Variants in SCMH1 observed in about 807,000 individuals in gnomAD.
The protein encoded by SCMH1 is polycomb protein SCMH1.
In SCMH1, 37 loss-of-function variants were observed where a neutral mutation model predicts 70.8. That is an observed-to-expected ratio of 0.52 (90% CI 0.40 to 0.69). The LOEUF (loss-of-function observed/expected upper bound fraction) is 0.69. Among genes scored for constraint, SCMH1 ranks in the 30% least tolerant of loss-of-function variants. SCMH1 has a pLI of 0.00. For synonymous variants in SCMH1, 292 were observed against 307.4 expected (o/e 0.95, Z 0.52); for missense variants, 607 against 827.3 (o/e 0.73, Z 3.27).
At chr1:41,213,517 A>G (rs1228271047) in intron 1 of SCMH1, among the ~76,000 whole-genome samples, 1 of 152,154 alleles carries the variant, frequency 6.6e-6, no homozygotes, top group Non-Finnish European at 1.5e-5. Context: ...CTCTTCCAGA[A>G]GCAAGTCATA....
chr1:41,064,101 A>C (rs1653751261), intron 10 of SCMH1, among the ~76,000 whole-genome samples: 1 of 152,246 alleles, frequency 6.6e-6, no homozygotes. Context: ...TTCAAAAATC[A>C]ATTAATATAA....
intron 2 of SCMH1, among the ~76,000 whole-genome samples, chr1:41,177,381 C>A (rs1482447393): frequency 2.0e-5 from 3 of 152,166 alleles, no homozygotes; most frequent in Non-Finnish European, 4.4e-5. Context: ...TGGAACAAAG[C>A]TGGACAGAGA....
At position 41,034,018 on chromosome 1, in the gene SCMH1, T is replaced by C. The variant is rs563119550; in HGVS notation, c.1678+3344A>G. 680 of 1,613,608 alleles carry C rather than the reference T, an allele frequency of 4.2e-4. 9 individuals carry two copies. In the South Asian group the frequency reaches 7.1e-3, roughly 17 times the overall value. Reference sequence around the variant, plus strand: ...ATTTAGTTTCCAAAATGATTCCATATCCCTTCTTTCATTTGATCCTTTTAA... The same window carrying C: ...ATTTAGTTTCCAAAATGATTCCATACCCCTTCTTTCATTTGATCCTTTTAA... On this transcript the variant is annotated intron_variant, in intron 13 of 14. Transcript: ENST00000337495.
intron 4 of SCMH1, 104 bp downstream of exon 4, chr1:41,160,771 G>C: frequency 9.5e-7 from 1 of 1,055,504 alleles, no homozygotes; most frequent in Non-Finnish European, 1.4e-6. Flanking sequence ...TTCTGAGACA[G>C]AGACACGTGG....
chr1:41,169,369 C>T (rs140152011), intron 2 of SCMH1, among the ~76,000 whole-genome samples: 15 of 152,138 alleles, frequency 9.9e-5, no homozygotes, highest in African/African-American at 3.6e-4. Flanking sequence ...CTATAAGCCC[C>T]TTCTGGAGAA....
rs529724177 is a variant in SCMH1, at chr1:41,199,509, C to T, written c.-117-13259G>A. ...ACTTAACTTAAAGCACCCAACAATT[C>T]TGGCATTACTGTTCCCATTTAGATT... is the stretch of plus-strand genomic sequence containing the variant. On this transcript the variant is annotated intron_variant, in intron 1 of 14. Transcript: ENST00000337495. Among the ~76,000 whole-genome samples, 24 of 152,304 alleles carry T rather than the reference C, an allele frequency of 1.6e-4. No individual in the cohort carries two copies. The East Asian group carries it at 2.3e-3, about 15-fold the overall frequency.
At chr1:41,195,416 T>TAAGG (rs1652803949) in intron 1 of SCMH1, among the ~76,000 whole-genome samples, 1 of 151,126 alleles carries the variant, frequency 6.6e-6, no homozygotes, top group South Asian at 2.1e-4. Context: ...GTTCAACATA[T>TAAGG]GAAAATCAAT....
At position 41,033,950 on chromosome 1, in the gene SCMH1, G is replaced by A. The variant is rs764801156; in HGVS notation, c.1678+3412C>T. The A allele has an allele frequency of 3.1e-6, 5 of 1,613,442 alleles. No homozygotes were observed. In the South Asian group the frequency reaches 3.3e-5, roughly 11 times the overall value. ...ACTCTTCTCAGAAACAGGGCCTTGGGGAAGATAAAAATAACAGTAACTCCC... is the reference window on the plus strand; with the variant it reads ...ACTCTTCTCAGAAACAGGGCCTTGGAGAAGATAAAAATAACAGTAACTCCC... On this transcript the variant is annotated intron_variant, in intron 13 of 14. Transcript: ENST00000337495.
intron 1 of SCMH1, among the ~76,000 whole-genome samples, chr1:41,222,396 T>C (rs1334032771): frequency 6.6e-6 from 1 of 152,190 alleles, no homozygotes; most frequent in Non-Finnish European, 1.5e-5. Context: ...AACACTGGAT[T>C]TCCTCAAAAT....
At chr1:41,187,964 G>A (rs1650703537) in intron 1 of SCMH1, among the ~76,000 whole-genome samples, 1 of 152,022 alleles carries the variant, frequency 6.6e-6, no homozygotes, top group African/African-American at 2.4e-5. Flanking sequence ...TCCAGCCTGG[G>A]CAACAGAAAC....
At chr1:41,083,133 G>T (rs1170009290) in intron 8 of SCMH1, among the ~76,000 whole-genome samples, 1 of 152,144 alleles carries the variant, frequency 6.6e-6, no homozygotes, top group African/African-American at 2.4e-5. Flanking sequence ...AGGGCAATTA[G>T]GCAGGAGAAG....
chr1:41,213,205 A>C (rs1311850928), intron 1 of SCMH1, among the ~76,000 whole-genome samples: 1 of 152,260 alleles, frequency 6.6e-6, no homozygotes, highest in African/African-American at 2.4e-5. Flanking sequence ...CCTTTTACAG[A>C]AAAGTCCCAA....
chr1:41,115,087 C>T (rs1670138199), intron 7 of SCMH1, among the ~76,000 whole-genome samples: 1 of 152,114 alleles, frequency 6.6e-6, no homozygotes, highest in Non-Finnish European at 1.5e-5. Flanking sequence ...AATTCCATTG[C>T]TATCATAAGT....
intron 1 of SCMH1, among the ~76,000 whole-genome samples, chr1:41,205,521 C>T (rs982556442): frequency 2.0e-5 from 3 of 152,144 alleles, no homozygotes; most frequent in Non-Finnish European, 4.4e-5. Flanking sequence ...TTTCCCACTG[C>T]ATCCTCGCGG....
chr1:41,193,766 C>A (rs1243486276), intron 1 of SCMH1, among the ~76,000 whole-genome samples: 1 of 152,014 alleles, frequency 6.6e-6, no homozygotes, highest in East Asian at 1.9e-4. Context: ...AATGAGGCAC[C>A]TTGTAAAGAA....
intron 1 of SCMH1, among the ~76,000 whole-genome samples, chr1:41,203,979 G>A (rs943416806): frequency 1.2e-4 from 19 of 152,068 alleles, no homozygotes; most frequent in African/African-American, 3.9e-4. Flanking sequence ...TTCCTCTAGC[G>A]CCGCTGGGTT....
intron 1 of SCMH1, among the ~76,000 whole-genome samples, chr1:41,208,393 A>T (rs1305706208): frequency 6.9e-6 from 1 of 145,372 alleles, no homozygotes; most frequent in East Asian, 2.0e-4. Flanking sequence ...AACCTGCACA[A>T]TGTGCACATG....
At chr1:41,106,074 C>T (rs1474978561) in intron 8 of SCMH1, among the ~76,000 whole-genome samples, 2 of 151,652 alleles carry the variant, frequency 1.3e-5, no homozygotes, top group East Asian at 3.9e-4. Context: ...AGGGTTTCAC[C>T]AACTTGGCCA....
chr1:41,093,673 G>A (rs1664289817), intron 8 of SCMH1, among the ~76,000 whole-genome samples: 2 of 152,014 alleles, frequency 1.3e-5, no homozygotes, highest in Admixed American at 6.6e-5. Context: ...TTGGTCATTT[G>A]TAAAACACTG....
Sources: gnomAD v4.1 joint callset for allele counts (sites outside exome capture counted in the v4.1 genomes callset) on GRCh38, gnomAD v4.1.1 for gene constraint, MANE v1.5 for transcripts, NCBI Gene and HGNC (gene_info 2026-07-23, HGNC 2026-07-21) for gene names.